Variants in CNTNAP2 observed in about 807,000 individuals in gnomAD.
CNTNAP2 encodes contactin-associated protein-like 2.
In CNTNAP2, 98 loss-of-function variants were observed where a neutral mutation model predicts 155.2. That is an observed-to-expected ratio of 0.63 (90% CI 0.54 to 0.75). The LOEUF is 0.75. Among genes scored for constraint, CNTNAP2 ranks in the 30% least tolerant of loss-of-function variants. The pLI is 0.00. For missense variants in CNTNAP2, 1,727 were observed against 1,688.1 expected (o/e 1.02, Z -0.40); for synonymous variants, 651 against 631.2 (o/e 1.03, Z -0.47).
intron 14 of CNTNAP2, among the ~76,000 whole-genome samples, chr7:147,941,460 C>A (rs1800720231): frequency 6.6e-6 from 1 of 152,190 alleles, no homozygotes; most frequent in African/African-American, 2.4e-5. Context: ...CACACACCAA[C>A]TTCTAGAGAG....
intron 13 of CNTNAP2, among the ~76,000 whole-genome samples, chr7:147,772,452 A>C (rs1466709636): frequency 1.6e-5 from 1 of 63,386 alleles, no homozygotes; most frequent in African/African-American, 7.9e-5. Context: ...CTCGCTATAT[A>C]TATATATATA....
At chr7:146,345,448 A>G (rs1387454781) in intron 1 of CNTNAP2, among the ~76,000 whole-genome samples, 1 of 152,128 alleles carries the variant, frequency 6.6e-6, no homozygotes. Flanking sequence ...CGTCTCTTCA[A>G]TCTCAATACG....
intron 1 of CNTNAP2, among the ~76,000 whole-genome samples, chr7:146,350,730 G>A (rs1420201784): frequency 1.7e-4 from 26 of 152,076 alleles, no homozygotes; most frequent in South Asian, 1.7e-3. Context: ...ACATGCACAC[G>A]TATGTTTATT....
At chr7:147,652,789 A>G (rs1795467151) in intron 13 of CNTNAP2, among the ~76,000 whole-genome samples, 1 of 152,094 alleles carries the variant, frequency 6.6e-6, no homozygotes, top group Non-Finnish European at 1.5e-5. Context: ...GAATGAGGCA[A>G]CCTAATAAGT....
At chr7:147,111,354 A>T (rs1279235187) in intron 5 of CNTNAP2, among the ~76,000 whole-genome samples, 1 of 152,228 alleles carries the variant, frequency 6.6e-6, no homozygotes, top group Admixed American at 6.5e-5. Context: ...TTTACTGTGC[A>T]GAAGCACTTC....
intron 14 of CNTNAP2, among the ~76,000 whole-genome samples, chr7:147,921,729 T>G (rs1379324687): frequency 6.6e-6 from 1 of 152,214 alleles, no homozygotes; most frequent in African/African-American, 2.4e-5. Flanking sequence ...AAGATCCCCA[T>G]GTTTATGCAA....
chr7:146,459,203 T>A (rs1307665076), intron 1 of CNTNAP2, among the ~76,000 whole-genome samples: 1 of 152,188 alleles, frequency 6.6e-6, no homozygotes, highest in Non-Finnish European at 1.5e-5. Context: ...CAAAATAGCA[T>A]CAACATTAAA....
chr7:147,053,258 A>G (rs894095758), intron 4 of CNTNAP2, among the ~76,000 whole-genome samples: 1 of 152,268 alleles, frequency 6.6e-6, no homozygotes, highest in Admixed American at 6.5e-5. Flanking sequence ...TGAGGGTGAC[A>G]TTTGAAATGA....
At chr7:147,491,926 C>A (rs1401325382) in intron 11 of CNTNAP2, among the ~76,000 whole-genome samples, 5 of 152,112 alleles carry the variant, frequency 3.3e-5, no homozygotes, top group Non-Finnish European at 7.4e-5. Flanking sequence ...AAAAAATCTA[C>A]ATATTTCAAA....
chr7:147,503,629 T>C (rs1200966218), intron 11 of CNTNAP2, among the ~76,000 whole-genome samples: 1 of 152,138 alleles, frequency 6.6e-6, no homozygotes, highest in Non-Finnish European at 1.5e-5. Flanking sequence ...CACATTCTCT[T>C]TTTATTTTGT....
At chr7:146,870,463 G>T (rs1044390235) in intron 3 of CNTNAP2, among the ~76,000 whole-genome samples, 1 of 152,012 alleles carries the variant, frequency 6.6e-6, no homozygotes, top group African/African-American at 2.4e-5. Context: ...TTATTTGGTT[G>T]TTCTCTCTTT....
At chr7:147,873,818 C>T (rs1563119691) in intron 13 of CNTNAP2, among the ~76,000 whole-genome samples, 2 of 152,134 alleles carry the variant, frequency 1.3e-5, no homozygotes, top group African/African-American at 4.8e-5. Flanking sequence ...AAATCAAAAG[C>T]AAGTTAGTTC....
chr7:146,352,201 TCA>T (rs1359308319), intron 1 of CNTNAP2, among the ~76,000 whole-genome samples: 1 of 152,184 alleles, frequency 6.6e-6, no homozygotes, highest in African/African-American at 2.4e-5. Flanking sequence ...TGTAACAGCG[TCA>T]CAGTTTTTCA....
At chr7:148,267,949 C>A (rs1045922457) in intron 21 of CNTNAP2, among the ~76,000 whole-genome samples, 1 of 152,104 alleles carries the variant, frequency 6.6e-6, no homozygotes, top group Non-Finnish European at 1.5e-5. Context: ...ATAAGAAGGC[C>A]AATAAGGAAT....
rs966524075 is a variant in CNTNAP2 at position 147,558,821 on chromosome 7, C to A, written c.1778-3317C>A. Among the ~76,000 whole-genome samples the A allele has an allele frequency of 5.9e-5, 9 of 152,026 alleles. 1 individual carries two copies. Among genetic ancestry groups the A allele is most frequent in the African/African-American group, 2.2e-4 (9 of 41,376 alleles). On this transcript the variant is annotated intron_variant, in intron 11 of 23. Coordinates refer to ENST00000361727, the MANE Select transcript of CNTNAP2 (RefSeq NM_014141.6). The stretch of plus-strand genomic sequence containing the variant: ...GCGGTGGCACAATCTTATCTCACTG[C>A]ATCCTTCGCCTCCTGGGTTCAAGCG...
At chr7:146,741,537 A>G (rs1320976852) in intron 1 of CNTNAP2, among the ~76,000 whole-genome samples, 1 of 152,220 alleles carries the variant, frequency 6.6e-6, no homozygotes, top group African/African-American at 2.4e-5. Context: ...AAGATAAGCA[A>G]ACAGGAGTTA....
At chr7:146,467,832 C>A (rs535852187) in intron 1 of CNTNAP2, among the ~76,000 whole-genome samples, 1 of 152,164 alleles carries the variant, frequency 6.6e-6, no homozygotes, top group East Asian at 1.9e-4. Flanking sequence ...GTTATAATGT[C>A]TTCCTGTTAT....
chr7:146,186,053 T>G lies in CNTNAP2; in HGVS notation c.97+69080T>G, dbSNP rs531751719. Among the ~76,000 whole-genome samples the G allele has an allele frequency of 8.5e-5, 13 of 152,232 alleles. 1 individual carries two copies. The South Asian group carries it at 2.7e-3, about 32-fold the overall frequency. On this transcript the variant is annotated intron_variant, in intron 1 of 23. Coordinates refer to ENST00000361727, the MANE Select transcript of CNTNAP2 (RefSeq NM_014141.6). Reference sequence around the variant, plus strand: ...TTGCTGACAATTATTGCGTAATAGATGTGTCAGTGCATACAGCCAGATTTT... The same window carrying G: ...TTGCTGACAATTATTGCGTAATAGAGGTGTCAGTGCATACAGCCAGATTTT...
chr7:147,101,762 G>A (rs148442854), intron 4 of CNTNAP2, among the ~76,000 whole-genome samples: 3 of 152,128 alleles, frequency 2.0e-5, no homozygotes, highest in East Asian at 1.9e-4. Flanking sequence ...ATGTACAGAC[G>A]CTTCCTCTCT....
Sources: allele counts gnomAD v4.1 joint callset (sites outside exome capture counted in the v4.1 genomes callset), GRCh38; gene constraint gnomAD v4.1.1; transcripts MANE v1.5; gene names NCBI Gene and HGNC (gene_info 2026-07-23, HGNC 2026-07-21).